The following CSDE1 variants were observed in gnomAD, a reference collection of about 807,000 sequenced individuals.
The protein encoded by CSDE1 is cold shock domain-containing protein E1.
Under a neutral mutation model 89.3 loss-of-function variants are expected in CSDE1, and 17 were observed. The ratio of observed to expected loss-of-function variants is 0.19; its 90% CI spans 0.13 to 0.29. CSDE1 has a LOEUF of 0.29. Among genes scored for constraint, CSDE1 ranks in the 10% least tolerant of loss-of-function variants. CSDE1 has a pLI of 1.00. For synonymous variants in CSDE1, 322 were observed against 332.8 expected (o/e 0.97, Z 0.35); for missense variants, 672 against 984.2 (o/e 0.68, Z 4.24).
chr1:114,727,381 C>T (rs1659853152), intron 12 of CSDE1, among the ~76,000 whole-genome samples: 1 of 152,036 alleles, frequency 6.6e-6, no homozygotes, highest in African/African-American at 2.4e-5. Context: ...CTCCTCATAG[C>T]CAATCAGAAA....
intron 3 of CSDE1, 78 bp from the exon 4 acceptor site, chr1:114,738,150 T>C: frequency 2.7e-6 from 3 of 1,115,162 alleles, no homozygotes; most frequent in Admixed American, 3.4e-5. Context: ...ATACTTAACA[T>C]AGCATTTGAA....
intron 2 of CSDE1, chr1:114,748,338 T>G (rs2101079985): frequency 6.6e-6 from 1 of 152,358 alleles, no homozygotes; most frequent in South Asian, 2.1e-4. Context: ...CTCTCTTCAT[T>G]GGTGCTTCTT....
intron 1 of CSDE1, chr1:114,757,037 G>A (rs1170198561): frequency 6.6e-6 from 1 of 152,320 alleles, no homozygotes; most frequent in East Asian, 1.9e-4. Context: ...GGTGGGCCAG[G>A]CGCTGGCACC....
At chr1:114,736,201 A>AT (rs1418562620) in intron 6 of CSDE1, among the ~76,000 whole-genome samples, 1 of 152,068 alleles carries the variant, frequency 6.6e-6, no homozygotes, top group Non-Finnish European at 1.5e-5. Flanking sequence ...TAGTCTATCC[A>AT]TATCAGGCGG....
chr1:114,739,101 G>A (rs1470469347), intron 3 of CSDE1, among the ~76,000 whole-genome samples: 1 of 151,478 alleles, frequency 6.6e-6, no homozygotes, highest in Non-Finnish European at 1.5e-5. Context: ...GTGGCATCTT[G>A]GCTTACTGCA....
rs755080186 is a variant in CSDE1, at chr1:114,741,414, C to T, written c.1-1524G>A. ...AAGAGTGAAGGTGAAAAAAATGATT[C>T]GGGAAGTTAGAAGGTGAGTCGGCAA... On this transcript the variant is annotated intron_variant, in intron 2 of 19. Coordinates refer to ENST00000358528, the MANE Select transcript of CSDE1 (RefSeq NM_001007553.3). 9.7e-5 allele frequency: 97 copies of T among 1,004,522 alleles called. 1 individual carries two copies. The highest frequency in any genetic ancestry group is 3.3e-4 in the East Asian group (12 of 36,406). The allele number at this position is 1,004,522 out of a possible 1,614,324, so 62.2% of individuals were successfully genotyped here. A position where few individuals can be genotyped will look rare whatever the true frequency, so the allele number is the denominator to read the frequency against.
Position 114,716,980 on chromosome 1 carries a change from A to T in CSDE1, c.*1189T>A, listed in dbSNP as rs1334403500. 1.3e-5 allele frequency: 2 copies of T among 152,718 alleles called. No homozygotes were observed. Among genetic ancestry groups the T allele is most frequent in the African/African-American group, 4.8e-5 (2 of 41,470 alleles). The allele number at this position is 152,718 out of a possible 1,614,324, so 9.5% of individuals were successfully genotyped here. ...TCTTTCGCCATTAACAGAAAACTGG[A>T]GAAAGCAAAAATGTTTCGTGTTTAC... On this transcript the variant is annotated 3_prime_UTR_variant, in exon 20 of 20. Coordinates refer to ENST00000358528, the MANE Select transcript of CSDE1 (RefSeq NM_001007553.3).
intron 10 of CSDE1, among the ~76,000 whole-genome samples, chr1:114,731,430 T>G (rs1306450372): frequency 1.3e-5 from 2 of 151,328 alleles, no homozygotes; most frequent in Non-Finnish European, 2.9e-5. Context: ...ACTTACAAAC[T>G]TTTAAAGTTA....
At chr1:114,748,753 T>C (rs574556743) in intron 2 of CSDE1, among the ~76,000 whole-genome samples, 5 of 152,344 alleles carry the variant, frequency 3.3e-5, no homozygotes, top group African/African-American at 9.6e-5. Flanking sequence ...TTTATCTTCC[T>C]TATACTTGAT....
chr1:114,734,345 T>G lies in CSDE1; in HGVS notation c.582+97A>C, dbSNP rs529240187. ...TTAACAGTGAAATATTTTAAAAGGG[T>G]AAGATAAAAAAGAAAAAAAAAAACA... is the stretch of plus-strand genomic sequence containing the variant. On this transcript the variant is annotated intron_variant, in intron 7 of 19. Transcript: ENST00000358528. 117 of 1,184,876 alleles carry G rather than the reference T, an allele frequency of 9.9e-5. No individual in the cohort carries two copies. The South Asian group carries it at 1.6e-3, about 16-fold the overall frequency. The allele number at this position is 1,184,876 out of a possible 1,614,324, so 73.4% of individuals were successfully genotyped here.
intron 1 of CSDE1, among the ~76,000 whole-genome samples, chr1:114,754,500 G>A (rs1661483920): frequency 6.6e-6 from 1 of 152,066 alleles, no homozygotes; most frequent in African/African-American, 2.4e-5. Flanking sequence ...GGCTAAGCCA[G>A]TCTACAAAAG....
intron 2 of CSDE1, among the ~76,000 whole-genome samples, chr1:114,742,480 G>C (rs368131681): frequency 2.0e-5 from 3 of 152,248 alleles, no homozygotes; most frequent in Admixed American, 2.0e-4. Context: ...TACTCAGGAG[G>C]GGGAGGCATG....
intron 4 of CSDE1, 39 bp downstream of exon 4, chr1:114,737,924 C>G (rs781066095): frequency 7.6e-7 from 1 of 1,323,618 alleles, no homozygotes; most frequent in Non-Finnish European, 1.1e-6. Flanking sequence ...TATGCAAATG[C>G]AGGGCCCTAA....
chr1:114,738,117 A>C, intron 3 of CSDE1, 45 bp from the exon 4 acceptor site: 2 of 1,430,274 alleles, frequency 1.4e-6, no homozygotes, highest in Non-Finnish European at 2.0e-6. Flanking sequence ...GATTTTTGCG[A>C]AACGATATAT....
intron 2 of CSDE1, chr1:114,746,435 A>G (rs1661013648): frequency 6.6e-6 from 1 of 152,180 alleles, no homozygotes; most frequent in South Asian, 2.1e-4. Context: ...ACTATAACCT[A>G]ATGCTTTTAA....
chr1:114,739,906 A>G lies in CSDE1; in HGVS notation c.1-16T>C. The G allele has an allele frequency of 6.3e-7, 1 of 1,590,176 alleles. No individual in the cohort carries two copies. The highest frequency in any genetic ancestry group is 2.2e-5 in the East Asian group (1 of 44,714). ...CAAAGCTCATCTGTTTTAAAAAGAA[A>G]AAGAATATATACATATCTGTACATT... is the stretch of plus-strand genomic sequence containing the variant. On this transcript the variant is annotated splice_polypyrimidine_tract_variant and intron_variant, in intron 2 of 19. Coordinates refer to ENST00000358528, the MANE Select transcript of CSDE1 (RefSeq NM_001007553.3).
chr1:114,754,091 C>A (rs12144569), intron 1 of CSDE1, among the ~76,000 whole-genome samples: 21,621 of 152,210 alleles, frequency 0.14, 2,126 homozygotes, highest in Non-Finnish European at 0.21. Flanking sequence ...CGGGTTCAAG[C>A]GATTCTCCTG....
intron 2 of CSDE1, 34 bp from the exon 3 acceptor site, chr1:114,739,924 T>G: frequency 6.5e-7 from 1 of 1,540,754 alleles, no homozygotes; most frequent in Non-Finnish European, 9.0e-7. Context: ...TATACATATC[T>G]GTACATTATC....
chr1:114,738,440 T>C (rs1247409185), intron 3 of CSDE1, among the ~76,000 whole-genome samples: 2 of 152,152 alleles, frequency 1.3e-5, no homozygotes, highest in Non-Finnish European at 2.9e-5. Flanking sequence ...TCATAACCTT[T>C]GGCGAGTTTT....
Sources: allele counts gnomAD v4.1 joint callset (sites outside exome capture counted in the v4.1 genomes callset), GRCh38; gene constraint gnomAD v4.1.1; transcripts MANE v1.5; gene names NCBI Gene and HGNC (gene_info 2026-07-23, HGNC 2026-07-21).